Variants in LAMA2 observed in about 807,000 individuals in gnomAD.
The protein encoded by LAMA2 is laminin subunit alpha 2.
Under a neutral mutation model 364.8 loss-of-function variants are expected in LAMA2, and 269 were observed. That is an observed-to-expected ratio of 0.74 (90% CI 0.67 to 0.82). The LOEUF is 0.82. LAMA2 is among the 40% of genes least tolerant of loss of function. The pLI, the probability that LAMA2 is intolerant of heterozygous loss-of-function variation, is 0.00. For missense variants in LAMA2, 3,807 were observed against 3,873.2 expected, an observed-to-expected ratio of 0.98 and a Z score of 0.45; for synonymous variants, 1,379 against 1,370.6, an observed-to-expected ratio of 1.01 and a Z score of -0.14.
rs556589596 is a variant in LAMA2 at position 128,975,203 on chromosome 6, C to A, written c.113-74715C>A. On this transcript the variant is annotated intron_variant, in intron 1 of 64. Coordinates refer to ENST00000421865, the MANE Select transcript of LAMA2 (RefSeq NM_000426.4). ...TAAATAGCAAATGATGAGTAAAGTA[C>A]AACAATAAATCAAACAAAATGCTAT... 2.6e-5 allele frequency among the ~76,000 whole-genome samples: 4 copies of A among 152,072 alleles called. No homozygotes were observed. In the South Asian group the frequency reaches 8.3e-4, roughly 32 times the overall value.
chr6:129,385,231 G>A (rs1778937832), intron 35 of LAMA2, among the ~76,000 whole-genome samples: 1 of 98,336 alleles, frequency 1.0e-5, no homozygotes, highest in South Asian at 4.0e-4. Flanking sequence ...AGGAAGAAAG[G>A]AAATGGAAAG....
chr6:128,902,083 A>G (rs765525216), intron 1 of LAMA2, among the ~76,000 whole-genome samples: 3 of 152,192 alleles, frequency 2.0e-5, no homozygotes, highest in Admixed American at 6.5e-5. Context: ...AAGTGGGGGA[A>G]AAGCCCCTTA....
At position 128,883,294 on chromosome 6, in the gene LAMA2, C is replaced by T; in HGVS notation, c.49C>T (p.Leu17Phe). ...CCTCCTTCTGCTGCTCTCCGGAGGC[C>T]TCGGGGGCGTACAGGCGCAGCGGCC... ...VLLLLLLSGG[L>F]GGVQAQRPQQ... The change falls in exon 1 of 65, where the codon CTC becomes TTC. Residue 17 changes from leucine to phenylalanine, a missense_variant. Coordinates refer to ENST00000421865, the MANE Select transcript of LAMA2 (RefSeq NM_000426.4). The T allele has an allele frequency of 1.3e-6, 2 of 1,586,714 alleles. No individual in the cohort carries two copies. Among genetic ancestry groups the T allele is most frequent in the Non-Finnish European group, 1.7e-6 (2 of 1,166,580 alleles).
intron 18 of LAMA2, among the ~76,000 whole-genome samples, chr6:129,283,853 A>G (rs1436930280): frequency 1.3e-5 from 2 of 151,976 alleles, no homozygotes; most frequent in Non-Finnish European, 2.9e-5. Flanking sequence ...AATGCAGAGC[A>G]TGGGCTACAG....
intron 37 of LAMA2, among the ~76,000 whole-genome samples, chr6:129,400,453 A>G (rs1167486920): frequency 6.6e-6 from 1 of 152,256 alleles, no homozygotes; most frequent in African/African-American, 2.4e-5. Context: ...ATTATTGTCT[A>G]TAGAAAAAAA....
chr6:129,365,670 GA>G (rs1777727611), intron 32 of LAMA2, among the ~76,000 whole-genome samples: 1 of 129,168 alleles, frequency 7.7e-6, no homozygotes, highest in Admixed American at 7.6e-5. Context: ...GCCTTCTTTA[GA>G]CTTTTTTTTT....
intron 1 of LAMA2, among the ~76,000 whole-genome samples, chr6:128,896,121 G>GT (rs1776755718): frequency 6.6e-6 from 1 of 152,078 alleles, no homozygotes; most frequent in Non-Finnish European, 1.5e-5. Context: ...ATGAGTGGTA[G>GT]TAAGATATTT....
intron 1 of LAMA2, among the ~76,000 whole-genome samples, chr6:129,008,401 C>G (rs6569573): frequency 6.6e-6 from 1 of 151,866 alleles, no homozygotes; most frequent in Non-Finnish European, 1.5e-5. Flanking sequence ...GACCCACATG[C>G]TATTATACAA....
intron 8 of LAMA2, among the ~76,000 whole-genome samples, chr6:129,161,000 G>A (rs1216982898): frequency 6.6e-6 from 1 of 151,888 alleles, no homozygotes; most frequent in Non-Finnish European, 1.5e-5. Context: ...CTGCGATTAT[G>A]GATTCCTACC....
At chr6:129,412,594 A>G (rs1780590827) in intron 40 of LAMA2, among the ~76,000 whole-genome samples, 1 of 152,216 alleles carries the variant, frequency 6.6e-6, no homozygotes, top group East Asian at 1.9e-4. Flanking sequence ...ATAAATATAA[A>G]ATATAATGGA....
chr6:129,484,972 G>T (rs760014848), intron 55 of LAMA2, among the ~76,000 whole-genome samples: 15 of 152,020 alleles, frequency 9.9e-5, no homozygotes. Context: ...TCAAATAGTC[G>T]TAATAAAAAT....
In LAMA2 at chr6:129,383,141, A is replaced by T. The variant is rs779466137; in HGVS notation, c.4979A>T (p.Asp1660Val). 2 of 1,613,704 alleles carry T rather than the reference A, an allele frequency of 1.2e-6. No individual in the cohort carries two copies. The highest frequency in any genetic ancestry group is 1.7e-6 in the Non-Finnish European group (2 of 1,179,884). Residue 1660 changes from aspartate to valine, a missense_variant, in exon 35 of 65, where the codon GAT becomes GTT. Coordinates refer to ENST00000421865, the MANE Select transcript of LAMA2 (RefSeq NM_000426.4). ...LLTRATKVTA[D>V]GEQTGQDAER... ...CATTAGGCTACCAAAGTGACAGCAG[A>T]TGGCGAGCAGACCGGACAGGATGCT...
At chr6:129,144,615 G>A (rs929467600) in intron 5 of LAMA2, among the ~76,000 whole-genome samples, 2 of 152,032 alleles carry the variant, frequency 1.3e-5, no homozygotes, top group South Asian at 4.1e-4. Flanking sequence ...GAGCTGAGAC[G>A]CTGCACTTCA....
intron 58 of LAMA2, among the ~76,000 whole-genome samples, chr6:129,497,640 T>C (rs551655368): frequency 6.6e-6 from 1 of 151,914 alleles, no homozygotes; most frequent in African/African-American, 2.4e-5. Context: ...GCTAGCACAG[T>C]TGACAGAAAA....
At chr6:128,926,241 G>T (rs1779086697) in intron 1 of LAMA2, among the ~76,000 whole-genome samples, 1 of 151,720 alleles carries the variant, frequency 6.6e-6, no homozygotes, top group African/African-American at 2.4e-5. Flanking sequence ...TGAGTTTTGA[G>T]TCTGTTCTTG....
At chr6:129,174,294 T>C (rs1191741722) in intron 9 of LAMA2, among the ~76,000 whole-genome samples, 1 of 152,136 alleles carries the variant, frequency 6.6e-6, no homozygotes, top group Non-Finnish European at 1.5e-5. Context: ...ATTTTCAAAC[T>C]ACATTTTGTT....
chr6:128,981,404 A>G (rs1782860273), intron 1 of LAMA2, among the ~76,000 whole-genome samples: 1 of 151,664 alleles, frequency 6.6e-6, no homozygotes, highest in Admixed American at 6.6e-5. Flanking sequence ...TCTAGCCTCC[A>G]CTCTCAAAAC....
chr6:129,155,580 C>T (rs975739449), intron 8 of LAMA2, among the ~76,000 whole-genome samples: 4 of 151,622 alleles, frequency 2.6e-5, no homozygotes, highest in African/African-American at 9.7e-5. Context: ...GAGCTATTAC[C>T]CATATCAAGT....
intron 1 of LAMA2, among the ~76,000 whole-genome samples, chr6:128,996,883 C>A (rs1017286864): frequency 6.6e-6 from 1 of 152,184 alleles, no homozygotes; most frequent in Non-Finnish European, 1.5e-5. Flanking sequence ...ACCCAAATGC[C>A]TATCAATGAT....
Sources: allele counts gnomAD v4.1 joint callset (sites outside exome capture counted in the v4.1 genomes callset), GRCh38; gene constraint gnomAD v4.1.1; transcripts MANE v1.5; gene names NCBI Gene and HGNC (gene_info 2026-07-23, HGNC 2026-07-21).